The following TRPM1 variants were observed in gnomAD, a reference collection of about 807,000 sequenced individuals.
TRPM1 encodes TRPM1-203 APA Isoform, Intron 10.
A neutral mutation model predicts 149.4 loss-of-function variants in TRPM1; 113 were observed. The observed-to-expected ratio is 0.76, with a 90% CI of 0.65 to 0.88. The LOEUF is 0.88. Ranked by LOEUF, TRPM1 falls within the 40% of genes least tolerant of loss-of-function variation. The pLI is 0.00. For synonymous variants in TRPM1, 741 were observed against 759.5 expected, an observed-to-expected ratio of 0.98 and a Z score of 0.40; for missense variants, 1,976 against 2,038.7, an observed-to-expected ratio of 0.97 and a Z score of 0.59.
chr15:31,057,669 C>T (rs1302933166), intron 11 of TRPM1, among the ~76,000 whole-genome samples: 2 of 151,906 alleles, frequency 1.3e-5, no homozygotes, highest in African/African-American at 4.8e-5. Flanking sequence ...CACAGGGTAG[C>T]CTTTGCTGCA....
At chr15:31,157,336 A>G (rs1327828030) in intron 1 of TRPM1, among the ~76,000 whole-genome samples, 1 of 152,144 alleles carries the variant, frequency 6.6e-6, no homozygotes, top group Non-Finnish European at 1.5e-5. Flanking sequence ...AAGCTTACCT[A>G]TACTGTTTTG....
chr15:31,117,933 G>T (rs2035823815), intron 1 of TRPM1, among the ~76,000 whole-genome samples: 1 of 152,098 alleles, frequency 6.6e-6, no homozygotes, highest in Non-Finnish European at 1.5e-5. Context: ...TTAAGAGAAG[G>T]AACATAGTAT....
intron 1 of TRPM1, among the ~76,000 whole-genome samples, chr15:31,101,192 A>T (rs1254838116): frequency 6.6e-6 from 1 of 152,242 alleles, no homozygotes; most frequent in Non-Finnish European, 1.5e-5. Context: ...GTAAGATGCT[A>T]AGGAATGACA....
chr15:31,120,808 T>C (rs2035864579), intron 1 of TRPM1, among the ~76,000 whole-genome samples: 1 of 148,876 alleles, frequency 6.7e-6, no homozygotes, highest in African/African-American at 2.5e-5. Flanking sequence ...ATAACAGGAG[T>C]CAAAGAAAAA....
chr15:31,082,462 T>C (rs1019613596), intron 1 of TRPM1, among the ~76,000 whole-genome samples: 2 of 152,070 alleles, frequency 1.3e-5, no homozygotes, highest in African/African-American at 4.8e-5. Context: ...GGAAATGGCT[T>C]TGAGTGGTTT....
intron 1 of TRPM1, among the ~76,000 whole-genome samples, chr15:31,121,876 A>G (rs536586425): frequency 2.7e-4 from 41 of 152,296 alleles, no homozygotes; most frequent in African/African-American, 9.1e-4. Flanking sequence ...AAAAAAAGAA[A>G]CTATAGCCAA....
At chr15:31,114,116 T>G (rs1355558370) in intron 1 of TRPM1, among the ~76,000 whole-genome samples, 1 of 152,232 alleles carries the variant, frequency 6.6e-6, no homozygotes, top group Non-Finnish European at 1.5e-5. Flanking sequence ...GAAGCCCAGC[T>G]GGCTTCACCT....
At chr15:31,030,351 A>C (rs139211650) in intron 23 of TRPM1, among the ~76,000 whole-genome samples, 1 of 134,654 alleles carries the variant, frequency 7.4e-6, no homozygotes, top group East Asian at 1.9e-4. Flanking sequence ...CATTTATTCA[A>C]CTGTCCTGGT....
chr15:31,122,361 G>A (rs2035892149), intron 1 of TRPM1, among the ~76,000 whole-genome samples: 1 of 152,094 alleles, frequency 6.6e-6, no homozygotes, highest in Non-Finnish European at 1.5e-5. Flanking sequence ...AGAAATAAAA[G>A]TTATGCAAAA....
chr15:31,051,578 C>T (rs1396958767), intron 11 of TRPM1, among the ~76,000 whole-genome samples: 1 of 152,238 alleles, frequency 6.6e-6, no homozygotes, highest in African/African-American at 2.4e-5. Flanking sequence ...TCCCAGCTTT[C>T]CTCTTCCCTG....
intron 27 of TRPM1, among the ~76,000 whole-genome samples, chr15:31,014,416 C>T (rs1355817075): frequency 6.6e-6 from 1 of 152,134 alleles, no homozygotes; most frequent in Non-Finnish European, 1.5e-5. Context: ...TCTTTCTGCT[C>T]CTACTGGTAC....
intron 1 of TRPM1, among the ~76,000 whole-genome samples, chr15:31,109,347 A>G (rs1433807451): frequency 6.8e-6 from 1 of 147,642 alleles, no homozygotes; most frequent in African/African-American, 2.5e-5. Context: ...AAAAAAAAAA[A>G]AAAAAAAAAA....
rs373717525 is a variant in TRPM1 at position 31,049,502 on chromosome 15, G to T, written c.1445C>A (p.Ala482Asp). The T allele has an allele frequency of 1.9e-6, 3 of 1,613,740 alleles. No individual in the cohort carries two copies. In the African/African-American group the frequency reaches 4.0e-5, roughly 22 times the overall value. ...AGCATCTAGCATCGCTTGCTCCAAA[G>T]CATTCACCTGCAGGGACCAAGGGCC... Reference protein sequence around the residue: ...RKIELLNWVNALEQAMLDALV... With the variant: ...RKIELLNWVNDLEQAMLDALV... Residue 482 changes from alanine to aspartate, a missense_variant, in exon 13 of 28, where the codon GCT (alanine) becomes GAT (aspartate). Transcript: ENST00000256552.
chr15:31,118,549 A>G (rs911485680), intron 1 of TRPM1, among the ~76,000 whole-genome samples: 1 of 152,164 alleles, frequency 6.6e-6, no homozygotes, highest in Non-Finnish European at 1.5e-5. Context: ...TTGGGCTGCT[A>G]TAAGAGAATA....
intron 1 of TRPM1, among the ~76,000 whole-genome samples, chr15:31,140,555 T>C (rs570047354): frequency 1.3e-5 from 2 of 152,184 alleles, no homozygotes; most frequent in African/African-American, 4.8e-5. Context: ...CCCTCACGAG[T>C]TGGTTGTTAG....
At chr15:31,088,974 CT>C (rs1257903835) in intron 1 of TRPM1, among the ~76,000 whole-genome samples, 2 of 152,168 alleles carry the variant, frequency 1.3e-5, no homozygotes, top group African/African-American at 4.8e-5. Flanking sequence ...GCTCCCAGCA[CT>C]TTCTTGGCTG....
Position 31,054,594 on chromosome 15 carries a change from C to T in TRPM1, c.1264-4012G>A, listed in dbSNP as rs2034035764. ...ACAGGAGTGAGCCACTGTGCCTGGC[C>T]TCTTCGTTATGTTTAAAAGCATGTT... On this transcript the variant is annotated intron_variant, in intron 11 of 27. Transcript: ENST00000256552. 5.3e-5 allele frequency among the ~76,000 whole-genome samples: 8 copies of T among 152,194 alleles called. No individual in the cohort carries two copies. In the South Asian group the frequency reaches 1.7e-3, roughly 32 times the overall value.
intron 13 of TRPM1, 119 bp from the exon 14 acceptor site, chr15:31,048,058 T>C: frequency 1.2e-6 from 1 of 836,910 alleles, no homozygotes; most frequent in Middle Eastern, 2.2e-4. Flanking sequence ...AGGTCAGTAG[T>C]TTGAGGCCAG....
chr15:31,082,981 G>A (rs946436489), intron 1 of TRPM1, among the ~76,000 whole-genome samples: 14 of 152,032 alleles, frequency 9.2e-5, no homozygotes, highest in East Asian at 5.8e-4. Flanking sequence ...AGGTGGGGGC[G>A]ACCCACAAGG....
Sources: allele counts gnomAD v4.1 joint callset (sites outside exome capture counted in the v4.1 genomes callset), GRCh38; gene constraint gnomAD v4.1.1; transcripts MANE v1.5; gene names NCBI Gene and HGNC (gene_info 2026-07-23, HGNC 2026-07-21).